Variants in KIAA1549L observed in about 807,000 individuals in gnomAD.
The protein encoded by KIAA1549L is KIAA1549 like.
In KIAA1549L, 88 loss-of-function variants were observed where a neutral mutation model predicts 160.7. The observed-to-expected ratio is 0.55, with a 90% CI of 0.46 to 0.65. The LOEUF is 0.65. Ranked by LOEUF, KIAA1549L falls within the 30% of genes least tolerant of loss-of-function variation. The pLI is 0.00. For missense variants in KIAA1549L, 2,258 were observed against 2,437.5 expected, an observed-to-expected ratio of 0.93 and a Z score of 1.55; for synonymous variants, 950 against 976.7, an observed-to-expected ratio of 0.97 and a Z score of 0.51.
intron 1 of KIAA1549L, among the ~76,000 whole-genome samples, chr11:33,518,243 C>T (rs1171833888): frequency 6.9e-6 from 1 of 143,890 alleles, no homozygotes; most frequent in Non-Finnish European, 1.5e-5. Context: ...GAAAAAATTT[C>T]TTGTTTTAAA....
intron 1 of KIAA1549L, among the ~76,000 whole-genome samples, chr11:33,471,578 T>A (rs528230021): frequency 6.6e-6 from 1 of 152,364 alleles, no homozygotes; most frequent in Admixed American, 6.5e-5. Context: ...CTTAGAAGTC[T>A]CATTCAGGTT....
rs1564947587 is a variant in KIAA1549L, at chr11:33,661,077, T to C, written c.6159+63T>C. 3 of 1,475,064 alleles carry C rather than the reference T, an allele frequency of 2.0e-6. No individual in the cohort carries two copies. The African/African-American group carries it at 4.2e-5, about 21-fold the overall frequency. 91.4% of individuals were successfully genotyped at this position (1,475,064 alleles called of 1,614,324 possible). On this transcript the variant is annotated intron_variant, in intron 20 of 20. Coordinates refer to ENST00000658780, the MANE Select transcript of KIAA1549L (RefSeq NM_012194.3). ...GCTTAACACATGCCAAAAAGTAAAT[T>C]AGATAAAAGGTTGAGACTGAAGGTT...
intron 13 of KIAA1549L, among the ~76,000 whole-genome samples, chr11:33,600,654 C>G (rs920234543): frequency 6.6e-6 from 1 of 152,106 alleles, no homozygotes; most frequent in Non-Finnish European, 1.5e-5. Flanking sequence ...TCACCCACCC[C>G]AGTCCTCAGA....
chr11:33,635,929 A>G (rs1178532709), intron 16 of KIAA1549L, among the ~76,000 whole-genome samples: 1 of 152,220 alleles, frequency 6.6e-6, no homozygotes, highest in Admixed American at 6.5e-5. Context: ...GTCAACTATG[A>G]TCTGAAAATA....
Position 33,448,778 on chromosome 11 carries a change from C to T in KIAA1549L, c.238+71889C>T, listed in dbSNP as rs139642509. ...AACCTTTATAGATTTCCAAGTACTG[C>T]ATTTGTGAAATACCTCCTCAGTAGC... On this transcript the variant is annotated intron_variant, in intron 1 of 20. Coordinates refer to ENST00000658780, the MANE Select transcript of KIAA1549L (RefSeq NM_012194.3). 2.4e-3 allele frequency among the ~76,000 whole-genome samples: 362 copies of T among 152,312 alleles called. 1 individual carries two copies. Among genetic ancestry groups the T allele is most frequent in the Middle Eastern group, 0.02 (6 of 294 alleles).
chr11:33,384,008 C>T (rs999228028), intron 1 of KIAA1549L, among the ~76,000 whole-genome samples: 2 of 152,146 alleles, frequency 1.3e-5, no homozygotes, highest in Admixed American at 1.3e-4. Flanking sequence ...GAAATTCATC[C>T]TTTGTAGGTG....
At chr11:33,510,665 CGAGAA>C (rs1490598132) in intron 1 of KIAA1549L, among the ~76,000 whole-genome samples, 6 of 152,194 alleles carry the variant, frequency 3.9e-5, no homozygotes, top group African/African-American at 1.2e-4. Context: ...GTGGATATAG[CGAGAA>C]GAGAAGTAGG....
intron 8 of KIAA1549L, among the ~76,000 whole-genome samples, chr11:33,567,802 TAC>T (rs2133232600): frequency 6.6e-6 from 1 of 152,346 alleles, no homozygotes; most frequent in African/African-American, 2.4e-5. Flanking sequence ...GCTCTGGAGT[TAC>T]ACAGTCTGGC....
rs1421079381 is a variant in KIAA1549L at position 33,606,833 on chromosome 11, G to A, written c.5061+11G>A. On this transcript the variant is annotated intron_variant, in intron 14 of 20. Transcript: ENST00000658780. ...GTCCTCAACGGCGAGGTAAGTGCCTGGAGACCCAGGGCAGGAGATGGTCCG... is the reference window on the plus strand; with the variant it reads ...GTCCTCAACGGCGAGGTAAGTGCCTAGAGACCCAGGGCAGGAGATGGTCCG... 6.3e-7 allele frequency: 1 copy of A among 1,588,050 alleles called. No homozygotes were observed. Among genetic ancestry groups the A allele is most frequent in the Non-Finnish European group, 8.6e-7 (1 of 1,166,096 alleles).
chr11:33,530,263 G>A (rs1017947590), intron 1 of KIAA1549L, among the ~76,000 whole-genome samples: 38 of 150,140 alleles, frequency 2.5e-4, no homozygotes, highest in African/African-American at 7.6e-4. Flanking sequence ...TTAGCCGGGC[G>A]TGATAGCAGG....
chr11:33,597,307 T>C (rs1850226346), intron 12 of KIAA1549L, among the ~76,000 whole-genome samples: 1 of 152,184 alleles, frequency 6.6e-6, no homozygotes, highest in South Asian at 2.1e-4. Context: ...ATCCCAACTT[T>C]GATTGTTCAT....
At chr11:33,599,533 T>C (rs535594056) in intron 13 of KIAA1549L, 7 of 152,144 alleles carry the variant, frequency 4.6e-5, no homozygotes, top group South Asian at 4.2e-4. Flanking sequence ...AAAAAAGTTA[T>C]ATGCTTCTGT....
intron 1 of KIAA1549L, among the ~76,000 whole-genome samples, chr11:33,464,250 G>A (rs1046606562): frequency 6.6e-6 from 1 of 152,112 alleles, no homozygotes; most frequent in Non-Finnish European, 1.5e-5. Flanking sequence ...TATGTCATTT[G>A]TTAATTTATA....
At chr11:33,526,835 A>G (rs1853624415) in intron 1 of KIAA1549L, among the ~76,000 whole-genome samples, 1 of 152,238 alleles carries the variant, frequency 6.6e-6, no homozygotes, top group Non-Finnish European at 1.5e-5. Flanking sequence ...AAGAAGTCAG[A>G]AAGTTGATTA....
At chr11:33,642,745 G>A (rs1202388205) in intron 16 of KIAA1549L, among the ~76,000 whole-genome samples, 3 of 152,036 alleles carry the variant, frequency 2.0e-5, no homozygotes, top group East Asian at 1.9e-4. Flanking sequence ...CCAGGTAATC[G>A]AAAAAGGTTT....
At chr11:33,641,631 T>TATATATATAC (rs1851589008) in intron 16 of KIAA1549L, among the ~76,000 whole-genome samples, 1 of 90,988 alleles carries the variant, frequency 1.1e-5, no homozygotes, top group Non-Finnish European at 2.3e-5. Flanking sequence ...TATATATATA[T>TATATATATAC]ATACACAGTG....
chr11:33,457,493 G>A (rs1287134047), intron 1 of KIAA1549L, among the ~76,000 whole-genome samples: 1 of 152,194 alleles, frequency 6.6e-6, no homozygotes, highest in African/African-American at 2.4e-5. Context: ...CTTCTCAGCT[G>A]CGAACCTTGA....
In KIAA1549L at chr11:33,545,190, C is replaced by G. The variant is rs754442250; in HGVS notation, c.3197C>G (p.Pro1066Arg). 1.9e-6 allele frequency: 3 copies of G among 1,613,926 alleles called. No homozygotes were observed. The African/African-American group carries it at 4.0e-5, about 22-fold the overall frequency. ...TNLEMPRAST[P>R]RPLTVTAALT... ...CTGGAGATGCCCAGAGCATCCACGC[C>G]ACGCCCACTGACAGTCACGGCCGCG... is the stretch of plus-strand genomic sequence containing the variant. The change falls in exon 3 of 21, where the codon CCA becomes CGA. Residue 1066 changes from proline to arginine, a missense_variant. Coordinates refer to ENST00000658780, the MANE Select transcript of KIAA1549L (RefSeq NM_012194.3).
intron 1 of KIAA1549L, among the ~76,000 whole-genome samples, chr11:33,541,325 G>A (rs1403989646): frequency 6.6e-6 from 1 of 152,170 alleles, no homozygotes; most frequent in Non-Finnish European, 1.5e-5. Context: ...TGTTTCATTG[G>A]AGCCATCTTT....
Sources: gnomAD v4.1 joint callset for allele counts (sites outside exome capture counted in the v4.1 genomes callset) on GRCh38, gnomAD v4.1.1 for gene constraint, MANE v1.5 for transcripts, NCBI Gene and HGNC (gene_info 2026-07-23, HGNC 2026-07-21) for gene names.